Variants in ZNF423 observed in about 807,000 individuals in gnomAD.
The protein encoded by ZNF423 is zinc finger protein 423, also known as Ebf-associated zinc finger protein.
ZNF423 carries 12 observed loss-of-function variants against 95.8 expected under a neutral mutation model. That is an observed-to-expected ratio of 0.13 (90% confidence interval 0.08 to 0.20). The LOEUF is 0.20. ZNF423 is among the 10% of genes least tolerant of loss of function. The pLI, the probability that ZNF423 is intolerant of heterozygous loss-of-function variation, is 1.00. For missense variants in ZNF423, 1,316 were observed against 1,737.1 expected (o/e 0.76, Z 4.31); for synonymous variants, 749 against 711.9 (o/e 1.05, Z -0.83).
rs530552655 is a variant in ZNF423 at position 49,544,370 on chromosome 16, C to A, written c.3602-18876G>T. On this transcript the variant is annotated intron_variant, in intron 5 of 7. Coordinates refer to ENST00000563137, the MANE Select transcript of ZNF423 (RefSeq NM_001379286.1). Reference sequence around the variant, plus strand: ...AGAGGTGTGCATCTCTCTGAACGTACGCTATACTTCAACAAAGTTTTAAAA... The same window carrying A: ...AGAGGTGTGCATCTCTCTGAACGTAAGCTATACTTCAACAAAGTTTTAAAA... Among the ~76,000 whole-genome samples, 5 of 152,122 alleles carry A rather than the reference C, an allele frequency of 3.3e-5. No homozygotes were observed. The East Asian group carries it at 9.6e-4, about 29-fold the overall frequency.
chr16:49,803,812 G>C (rs2034616320), intron 1 of ZNF423, among the ~76,000 whole-genome samples: 2 of 152,042 alleles, frequency 1.3e-5, no homozygotes, highest in African/African-American at 2.4e-5. Flanking sequence ...GCAGACACAA[G>C]GGAGGGGCAG....
intron 3 of ZNF423, among the ~76,000 whole-genome samples, chr16:49,670,201 C>T (rs1290587367): frequency 2.0e-5 from 3 of 152,232 alleles, no homozygotes; most frequent in Non-Finnish European, 4.4e-5. Context: ...AAGCAGACAA[C>T]ATGGGTCTCT....
chr16:49,593,306 G>A lies in ZNF423; in HGVS notation c.3601+32864C>T, dbSNP rs529741837. On this transcript the variant is annotated intron_variant, in intron 5 of 7. Transcript: ENST00000563137. ...AAAAATTAGCCAGGGGTGGTGGCAC[G>A]TGCCTGTGGTCCCAGCTACTCAGGA... 2.8e-3 allele frequency among the ~76,000 whole-genome samples: 423 copies of A among 152,178 alleles called. 2 individuals are homozygous for A. Among genetic ancestry groups the A allele is most frequent in the Middle Eastern group, 6.8e-3 (2 of 294 alleles).
intron 3 of ZNF423, among the ~76,000 whole-genome samples, chr16:49,673,923 A>G (rs929458615): frequency 2.0e-5 from 3 of 152,350 alleles, no homozygotes; most frequent in South Asian, 2.1e-4. Flanking sequence ...TAGGAAGCCC[A>G]GAGAGCTCAG....
At chr16:49,753,437 A>C (rs2143584750) in intron 2 of ZNF423, among the ~76,000 whole-genome samples, 1 of 107,552 alleles carries the variant, frequency 9.3e-6, no homozygotes, top group South Asian at 3.6e-4. Context: ...CCCTGTCTAC[A>C]GAAAAAAAAA....
intron 7 of ZNF423, among the ~76,000 whole-genome samples, chr16:49,501,203 C>G (rs1178625177): frequency 1.3e-5 from 2 of 152,140 alleles, no homozygotes; most frequent in African/African-American, 4.8e-5. Flanking sequence ...ACACCATGGA[C>G]AAGTGCAGCA....
intron 5 of ZNF423, among the ~76,000 whole-genome samples, chr16:49,579,584 G>C (rs1970602527): frequency 6.6e-6 from 1 of 152,114 alleles, no homozygotes; most frequent in South Asian, 2.1e-4. Context: ...AGAAGGGAGG[G>C]TCCAGGCAAG....
chr16:49,621,080 G>A (rs1181153614), intron 5 of ZNF423, among the ~76,000 whole-genome samples: 1 of 152,176 alleles, frequency 6.6e-6, no homozygotes, highest in Admixed American at 6.5e-5. Flanking sequence ...GCAATTTCCT[G>A]GGGCGGCAGA....
At chr16:49,854,590 C>A (rs538796528) in intron 1 of ZNF423, 2 of 985,424 alleles carry the variant, frequency 2.0e-6, no homozygotes, top group South Asian at 4.7e-5. Flanking sequence ...CTCATCGTTC[C>A]CCCCTTCCTC....
At chr16:49,729,637 G>A (rs1347088616) in intron 3 of ZNF423, among the ~76,000 whole-genome samples, 1 of 135,526 alleles carries the variant, frequency 7.4e-6, no homozygotes, top group Non-Finnish European at 1.6e-5. Flanking sequence ...TTCCTCTTAG[G>A]TCTATTATTA....
At chr16:49,712,282 C>T (rs907286989) in intron 3 of ZNF423, among the ~76,000 whole-genome samples, 5 of 152,154 alleles carry the variant, frequency 3.3e-5, no homozygotes, top group Admixed American at 1.3e-4. Context: ...AAGGAACGGG[C>T]GCCCGCACTG....
At chr16:49,538,726 C>T (rs536758678) in intron 5 of ZNF423, among the ~76,000 whole-genome samples, 7 of 152,318 alleles carry the variant, frequency 4.6e-5, no homozygotes, top group African/African-American at 1.2e-4. Context: ...GGTTAGGTTA[C>T]GGATTCTGTA....
At chr16:49,758,689 C>A (rs1247790312) in intron 2 of ZNF423, among the ~76,000 whole-genome samples, 1 of 152,116 alleles carries the variant, frequency 6.6e-6, no homozygotes, top group Non-Finnish European at 1.5e-5. Flanking sequence ...CTGCAGTGAG[C>A]TATGATGGCA....
intron 2 of ZNF423, among the ~76,000 whole-genome samples, chr16:49,747,655 T>TAA (rs2033553302): frequency 5.6e-5 from 4 of 71,926 alleles, no homozygotes; most frequent in African/African-American, 7.3e-5. Context: ...GATATTTCAT[T>TAA]TAAAAAAAAA....
chr16:49,548,399 A>G (rs1024400154), intron 5 of ZNF423, among the ~76,000 whole-genome samples: 1 of 152,204 alleles, frequency 6.6e-6, no homozygotes, highest in African/African-American at 2.4e-5. Context: ...TAATGGTACA[A>G]AGCAATAATT....
rs373906393 is a variant in ZNF423, at chr16:49,635,932, G to A, written c.3244C>T (p.Arg1082Cys). 61 of 1,589,888 alleles carry A rather than the reference G, an allele frequency of 3.8e-5. No homozygotes were observed. Among genetic ancestry groups the A allele is most frequent in the South Asian group, 1.2e-4 (10 of 86,574 alleles). The change falls in exon 4 of 8, where the codon CGC becomes TGC. Residue 1082 changes from arginine (R) to cysteine (C), a missense_variant. Physicochemically the swap from Arg to Cys is radical, Grantham distance 180. Coordinates refer to ENST00000563137, the MANE Select transcript of ZNF423 (RefSeq NM_001379286.1). This position sits in a 1 kb window ranked among gnomAD's most constrained non-coding sequence, Gnocchi z 4.8. ...AGCTTCACCAGGTCCTGCTTGCTGC[G>A]GAACTCCTTGAGGCACAGGGCGCAC... ...YKCALCLKEFRSKQDLVKLDV... is the reference protein window; with the variant it reads ...YKCALCLKEFCSKQDLVKLDV...
At chr16:49,773,232 T>C (rs2034065138) in intron 2 of ZNF423, among the ~76,000 whole-genome samples, 1 of 151,920 alleles carries the variant, frequency 6.6e-6, no homozygotes, top group South Asian at 2.1e-4. Flanking sequence ...GGCAGGAGAA[T>C]CGCTTGAACC....
chr16:49,757,838 G>A (rs2033755572), intron 2 of ZNF423, among the ~76,000 whole-genome samples: 1 of 152,144 alleles, frequency 6.6e-6, no homozygotes, highest in Non-Finnish European at 1.5e-5. Context: ...GGAAAGAAAG[G>A]GAAAGAAAGA....
At chr16:49,814,294 TG>T (rs368889327) in intron 1 of ZNF423, among the ~76,000 whole-genome samples, 1 of 152,138 alleles carries the variant, frequency 6.6e-6, no homozygotes, top group African/African-American at 2.4e-5. Flanking sequence ...GGTGGGGGGA[TG>T]ACATCCCCGA....
Sources: gnomAD v4.1 joint callset for allele counts (sites outside exome capture counted in the v4.1 genomes callset) on GRCh38, gnomAD v4.1.1 for gene constraint, Gnocchi (gnomAD v3.1) non-coding constraint, MANE v1.5 for transcripts, NCBI Gene and HGNC (gene_info 2026-07-23, HGNC 2026-07-21) for gene names.